PTPRN2: variants seen among roughly 807,000 people sequenced by gnomAD.
The protein encoded by PTPRN2 is protein tyrosine phosphatase receptor type N2, also known as receptor-type tyrosine-protein phosphatase N2.
In PTPRN2, 74 loss-of-function variants were observed where a neutral mutation model predicts 118.8. That is an observed-to-expected ratio of 0.62 (90% CI 0.52 to 0.76). PTPRN2 has a LOEUF of 0.76. Ranked by LOEUF, PTPRN2 falls within the 30% of genes least tolerant of loss-of-function variation. PTPRN2 has a pLI of 0.00. For missense variants in PTPRN2, 1,481 were observed against 1,394.4 expected, an observed-to-expected ratio of 1.06 and a Z score of -0.99; for synonymous variants, 641 against 608.0, an observed-to-expected ratio of 1.05 and a Z score of -0.80.
intron 10 of PTPRN2, 97 bp from the exon 11 acceptor site, chr7:158,081,474 C>T (rs1057055609): frequency 2.6e-5 from 31 of 1,209,202 alleles, no homozygotes; most frequent in East Asian, 2.1e-4. Context: ...TTTTTAAAAA[C>T]GCAAACATCC....
At position 158,133,824 on chromosome 7, in the gene PTPRN2, A is replaced by G. The variant is rs1399855846; in HGVS notation, c.1409T>C (p.Phe470Ser). Residue 470 changes from phenylalanine to serine, a missense_variant, in exon 9 of 23, where the codon TTT becomes TCT. Coordinates refer to ENST00000389418, the MANE Select transcript of PTPRN2 (RefSeq NM_002847.5). ...QPHSEPGAAA[F>S]GELQNQMPGP... The stretch of plus-strand genomic sequence containing the variant: ...AGGCATCTGGTTTTGGAGCTCCCCA[A>G]ACGCAGCGGCCCCGGGCTCCGAATG... The G allele has an allele frequency of 1.2e-6, 2 of 1,613,934 alleles. No individual in the cohort carries two copies. The highest frequency in any genetic ancestry group is 1.7e-5 in the Admixed American group (1 of 60,030).
intron 11 of PTPRN2, among the ~76,000 whole-genome samples, chr7:157,943,340 G>A (rs1585059956): frequency 6.6e-6 from 1 of 152,046 alleles, no homozygotes; most frequent in Non-Finnish European, 1.5e-5. Flanking sequence ...CCCCTCCCAT[G>A]CCCCAGACGG....
chr7:158,340,550 GTCAC>G (rs1453938641), intron 2 of PTPRN2, among the ~76,000 whole-genome samples: 1 of 95,418 alleles, frequency 1.0e-5, no homozygotes, highest in African/African-American at 3.8e-5. Flanking sequence ...GCCCGCAGAG[GTCAC>G]TCACACCCAC....
chr7:158,121,997 G>A (rs561311757), intron 9 of PTPRN2, among the ~76,000 whole-genome samples: 46 of 152,330 alleles, frequency 3.0e-4, no homozygotes, highest in African/African-American at 1.1e-3. Flanking sequence ...TCATTCCGAG[G>A]CCTGAACTTC....
At chr7:158,314,833 C>G (rs1802162465) in intron 3 of PTPRN2, among the ~76,000 whole-genome samples, 2 of 150,802 alleles carry the variant, frequency 1.3e-5, no homozygotes, top group South Asian at 4.2e-4. Context: ...CTGGGACCCC[C>G]TGAAGGACAG....
At chr7:158,495,655 G>A (rs1586800510) in intron 1 of PTPRN2, among the ~76,000 whole-genome samples, 1 of 152,194 alleles carries the variant, frequency 6.6e-6, no homozygotes, top group Admixed American at 6.5e-5. Flanking sequence ...AAAACAACGT[G>A]TTAAACCAGG....
chr7:158,210,156 G>A (rs914525602), intron 3 of PTPRN2, among the ~76,000 whole-genome samples: 3 of 83,570 alleles, frequency 3.6e-5, no homozygotes, highest in Middle Eastern at 8.9e-3. Flanking sequence ...TTTTTTTTGA[G>A]ACGGAGTCTC....
intron 20 of PTPRN2, among the ~76,000 whole-genome samples, 164 bp from the exon 21 acceptor site, chr7:157,569,130 G>A (rs894969639): frequency 1.1e-4 from 16 of 152,272 alleles, no homozygotes; most frequent in African/African-American, 3.9e-4. Context: ...GAGAATCCAA[G>A]TGAGGGGAGA....
chr7:158,132,232 C>T (rs1818394245), intron 9 of PTPRN2, among the ~76,000 whole-genome samples: 1 of 150,006 alleles, frequency 6.7e-6, no homozygotes, highest in Admixed American at 6.6e-5. Context: ...AGATGCACAT[C>T]ATACGGATAA....
Position 158,271,807 on chromosome 7 carries a change from T to C in PTPRN2, c.277+45012A>G, listed in dbSNP as rs535710662. 3.9e-5 allele frequency among the ~76,000 whole-genome samples: 6 copies of C among 152,246 alleles called. No homozygotes were observed. The South Asian group carries it at 1.2e-3, about 32-fold the overall frequency. ...AGGGGTGAAGAAGCGTCCTGAGGCC[T>C]CTTTCAGAAGCGCATTAGCCCATCC... On this transcript the variant is annotated intron_variant, in intron 3 of 22. Transcript: ENST00000389418.
At chr7:158,094,370 C>T (rs950941730) in intron 10 of PTPRN2, among the ~76,000 whole-genome samples, 3 of 152,148 alleles carry the variant, frequency 2.0e-5, no homozygotes, top group Admixed American at 6.5e-5. Flanking sequence ...AGTGCAATGG[C>T]GTGATCTCGG....
intron 11 of PTPRN2, among the ~76,000 whole-genome samples, chr7:158,071,723 G>A (rs1214271868): frequency 2.0e-5 from 3 of 146,456 alleles, no homozygotes; most frequent in Non-Finnish European, 3.0e-5. Context: ...TGGTGGTGGA[G>A]GTGCTCGTGG....
At chr7:158,351,995 C>G (rs112344741) in intron 2 of PTPRN2, among the ~76,000 whole-genome samples, 51 of 124,132 alleles carry the variant, frequency 4.1e-4, no homozygotes, top group African/African-American at 1.5e-3. Flanking sequence ...CTGTCCGCTC[C>G]CCTCCTGTCC....
chr7:158,407,109 GGTCCTGCGTCCTGGGTCCTGGGTCCTGC>G (rs1334710710), intron 2 of PTPRN2, among the ~76,000 whole-genome samples: 41 of 151,498 alleles, frequency 2.7e-4, no homozygotes, highest in South Asian at 8.4e-4. Flanking sequence ...CCCAGCCCTG[GGTCCTGCGTCCTGGGTCCTGGGTCCTGC>G]GTCCTGCGTC....
At chr7:158,272,557 A>AGCCCACCTCAAAGACACCGCACGCG (rs1280601274) in intron 3 of PTPRN2, among the ~76,000 whole-genome samples, 10 of 152,214 alleles carry the variant, frequency 6.6e-5, no homozygotes, top group Non-Finnish European at 1.5e-5. Context: ...CCAGAACGGC[A>AGCCCACCTCAAAGACACCGCACGCG]GCCCACCTCA....
chr7:158,276,854 G>T (rs1586097349), intron 3 of PTPRN2, among the ~76,000 whole-genome samples: 1 of 152,210 alleles, frequency 6.6e-6, no homozygotes, highest in East Asian at 1.9e-4. Context: ...GGAGGCAGGG[G>T]CGGAGGGTGC....
chr7:157,676,407 C>A lies in PTPRN2; in HGVS notation c.2001+6318G>T, dbSNP rs1669562039. 6.6e-6 allele frequency among the ~76,000 whole-genome samples: 1 copy of A among 152,230 alleles called. No homozygotes were observed. The highest frequency in any genetic ancestry group is 2.4e-5 in the African/African-American group (1 of 41,452). On this transcript the variant is annotated intron_variant, in intron 13 of 22. Transcript: ENST00000389418. The surrounding 1 kb of genome is among the most constrained non-coding windows in gnomAD (Gnocchi z 5.6). ...TCACACGAATCACCTCCTAGTGATGCGTGGACTAATGCTGTTTACCGCCGG... is the reference window on the plus strand; with the variant it reads ...TCACACGAATCACCTCCTAGTGATGAGTGGACTAATGCTGTTTACCGCCGG...
intron 14 of PTPRN2, among the ~76,000 whole-genome samples, chr7:157,623,181 G>T (rs1803371549): frequency 6.6e-6 from 1 of 152,164 alleles, no homozygotes; most frequent in Non-Finnish European, 1.5e-5. Flanking sequence ...TACCCTAATA[G>T]GAAAAACATT....
At chr7:158,495,877 A>C (rs1821805397) in intron 1 of PTPRN2, among the ~76,000 whole-genome samples, 2 of 152,052 alleles carry the variant, frequency 1.3e-5, no homozygotes, top group East Asian at 1.9e-4. Flanking sequence ...CTCAAATGAA[A>C]GCTGTGATTG....
Sources: allele counts gnomAD v4.1 joint callset (sites outside exome capture counted in the v4.1 genomes callset), GRCh38; gene constraint gnomAD v4.1.1; non-coding constraint Gnocchi (gnomAD v3.1); transcripts MANE v1.5; gene names NCBI Gene and HGNC (gene_info 2026-07-23, HGNC 2026-07-21).